CNIH3: variants seen among roughly 807,000 people sequenced by gnomAD.
The protein encoded by CNIH3 is protein cornichon homolog 3.
A neutral mutation model predicts 24.1 loss-of-function variants in CNIH3; 14 were observed. That is an observed-to-expected ratio of 0.58 (90% CI 0.38 to 0.91). The LOEUF is 0.91. CNIH3 is among the 40% of genes least tolerant of loss of function. The pLI is 0.00. For missense variants in CNIH3, 178 were observed against 196.8 expected, an observed-to-expected ratio of 0.90 and a Z score of 0.57; for synonymous variants, 68 against 73.8, an observed-to-expected ratio of 0.92 and a Z score of 0.40.
intron 1 of CNIH3, among the ~76,000 whole-genome samples, chr1:224,629,037 T>A (rs976988100): frequency 4.0e-5 from 6 of 151,348 alleles, no homozygotes; most frequent in Non-Finnish European, 8.8e-5. Context: ...GACAGAATCT[T>A]GCTCTGTCAC....
At chr1:224,469,944 A>C (rs1218317618) in intron 1 of CNIH3, among the ~76,000 whole-genome samples, 1 of 151,996 alleles carries the variant, frequency 6.6e-6, no homozygotes, top group Non-Finnish European at 1.5e-5. Flanking sequence ...CTTTATTTTC[A>C]TTTTTGAAAT....
At chr1:224,573,243 T>C (rs1312527794) in intron 4 of CNIH3, among the ~76,000 whole-genome samples, 1 of 152,226 alleles carries the variant, frequency 6.6e-6, no homozygotes, top group Non-Finnish European at 1.5e-5. Context: ...TTTTCTTTAT[T>C]GTTTTTCTAT....
chr1:224,474,364 CAAA>C (rs34695653), intron 1 of CNIH3, among the ~76,000 whole-genome samples: 17 of 111,752 alleles, frequency 1.5e-4, no homozygotes, highest in South Asian at 2.6e-4. Flanking sequence ...AACTTCGCCT[CAAA>C]AAAAAAAAAA....
chr1:224,552,966 A>C (rs1373834643), intron 3 of CNIH3, among the ~76,000 whole-genome samples: 1 of 150,682 alleles, frequency 6.6e-6, no homozygotes, highest in African/African-American at 2.4e-5. Flanking sequence ...TATGAATGAT[A>C]TCACAGGGTG....
chr1:224,489,933 T>C (rs1412645160), intron 1 of CNIH3, among the ~76,000 whole-genome samples: 1 of 152,152 alleles, frequency 6.6e-6, no homozygotes, highest in Non-Finnish European at 1.5e-5. Flanking sequence ...CATGACCTAA[T>C]TGCCTAATCG....
At chr1:224,655,390 T>C (rs975031060) in intron 1 of CNIH3, among the ~76,000 whole-genome samples, 2 of 151,676 alleles carry the variant, frequency 1.3e-5, no homozygotes, top group African/African-American at 2.4e-5. Flanking sequence ...GTGGGCAGGG[T>C]GGAGAAGGGT....
At chr1:224,471,897 CT>C (rs902509230) in intron 1 of CNIH3, among the ~76,000 whole-genome samples, 3 of 151,922 alleles carry the variant, frequency 2.0e-5, no homozygotes, top group Non-Finnish European at 2.9e-5. Flanking sequence ...GCCTCTCATT[CT>C]TTTTTTTATA....
chr1:224,739,018 G>C (rs1483121320), intron 5 of CNIH3, among the ~76,000 whole-genome samples: 1 of 152,104 alleles, frequency 6.6e-6, no homozygotes, highest in Non-Finnish European at 1.5e-5. Context: ...GACCTGCCCT[G>C]CAATTGCACA....
At chr1:224,497,238 T>C (rs576208440) in intron 1 of CNIH3, among the ~76,000 whole-genome samples, 1 of 152,334 alleles carries the variant, frequency 6.6e-6, no homozygotes, top group East Asian at 1.9e-4. Flanking sequence ...TGGGAGTGAC[T>C]GCTAATAGGT....
intron 1 of CNIH3, among the ~76,000 whole-genome samples, chr1:224,658,606 A>T (rs1042325834): frequency 6.6e-6 from 1 of 151,650 alleles, no homozygotes; most frequent in African/African-American, 2.4e-5. Flanking sequence ...TAATTCAGAT[A>T]TTAAAAAAAA....
intron 1 of CNIH3, among the ~76,000 whole-genome samples, chr1:224,668,143 C>G (rs1685684955): frequency 6.6e-6 from 1 of 152,144 alleles, no homozygotes; most frequent in Non-Finnish European, 1.5e-5. Flanking sequence ...AATAAATGAA[C>G]AGTTATATAT....
At chr1:224,454,708 C>A (rs747353343) in intron 1 of CNIH3, among the ~76,000 whole-genome samples, 14 of 152,162 alleles carry the variant, frequency 9.2e-5, no homozygotes, top group Non-Finnish European at 2.1e-4. Context: ...TCCTTCCTTG[C>A]TTTCTAGAAG....
chr1:224,467,069 A>C (rs765446397), intron 1 of CNIH3, among the ~76,000 whole-genome samples: 2 of 152,148 alleles, frequency 1.3e-5, no homozygotes, highest in African/African-American at 4.8e-5. Context: ...TCTGTTACCC[A>C]TGCTGGAGTG....
intron 3 of CNIH3, among the ~76,000 whole-genome samples, chr1:224,685,987 C>CATA (rs1390200583): frequency 6.6e-6 from 1 of 151,848 alleles, no homozygotes; most frequent in Non-Finnish European, 1.5e-5. Flanking sequence ...CTTGGAGACC[C>CATA]ATAACCTGCT....
Position 224,490,441 on chromosome 1 carries a change from C to A in CNIH3, n.204-25300C>A, listed in dbSNP as rs150303281. Reference sequence around the variant, plus strand: ...AAAGTGGTTTTCTCCCTCTGCTCCCCCATGGGATGTGGCCCAGGAGGGTAT... The same window carrying A: ...AAAGTGGTTTTCTCCCTCTGCTCCCACATGGGATGTGGCCCAGGAGGGTAT... On this transcript the variant is annotated intron_variant and non_coding_transcript_variant, in intron 1 of 5. Transcript: ENST00000471578. 6.7e-3 allele frequency among the ~76,000 whole-genome samples: 1,018 copies of A among 152,220 alleles called. 5 individuals are homozygous for A. The highest frequency in any genetic ancestry group is 0.034 in the Middle Eastern group (10 of 294).
intron 1 of CNIH3, among the ~76,000 whole-genome samples, chr1:224,625,631 G>T (rs1683488201): frequency 6.6e-6 from 1 of 152,224 alleles, no homozygotes; most frequent in Non-Finnish European, 1.5e-5. Flanking sequence ...CTCTGTGTAA[G>T]GGAGGCTAAC....
At chr1:224,716,536 G>A (rs1471122156) in intron 3 of CNIH3, among the ~76,000 whole-genome samples, 2 of 152,196 alleles carry the variant, frequency 1.3e-5, no homozygotes, top group African/African-American at 2.4e-5. Flanking sequence ...CAAGAATGGG[G>A]GTTTTGGGGG....
chr1:224,560,530 C>T (rs1188524615), intron 3 of CNIH3, among the ~76,000 whole-genome samples: 1 of 152,072 alleles, frequency 6.6e-6, no homozygotes, highest in Non-Finnish European at 1.5e-5. Context: ...GCTTGCATTA[C>T]CACCTAAGCT....
In CNIH3 at chr1:224,504,206, C is replaced by T. The variant is rs932033069; in HGVS notation, n.204-11535C>T. 2.0e-5 allele frequency among the ~76,000 whole-genome samples: 3 copies of T among 152,172 alleles called. No homozygotes were observed. The East Asian group carries it at 5.8e-4, about 29-fold the overall frequency. The stretch of plus-strand genomic sequence containing the variant: ...GCTGACCTTGGTCTCTGTTTTCTCA[C>T]CTGGGAGGGACAAGACTACAACCTA... On this transcript the variant is annotated intron_variant and non_coding_transcript_variant, in intron 1 of 5. Transcript: ENST00000471578.
Sources: allele counts gnomAD v4.1 joint callset (sites outside exome capture counted in the v4.1 genomes callset), GRCh38; gene constraint gnomAD v4.1.1; transcripts MANE v1.5; gene names NCBI Gene and HGNC (gene_info 2026-07-23, HGNC 2026-07-21).